Variants in SPTBN1 observed in about 807,000 individuals in gnomAD.
The protein encoded by SPTBN1 is spectrin beta chain, non-erythrocytic 1.
Under a neutral mutation model 266.4 loss-of-function variants are expected in SPTBN1, and 32 were observed. The ratio of observed to expected loss-of-function variants is 0.12; its 90% CI spans 0.09 to 0.16. The LOEUF (loss-of-function observed/expected upper bound fraction) is 0.16, where lower values mean the gene tolerates loss of function less well. Ranked by LOEUF, SPTBN1 falls within the 10% of genes least tolerant of loss-of-function variation. SPTBN1 has a pLI of 1.00. For synonymous variants in SPTBN1, 1,336 were observed against 1,162.2 expected (o/e 1.15, Z -3.04); for missense variants, 2,296 against 3,067.1 (o/e 0.75, Z 5.94).
Position 54,653,911 on chromosome 2 carries a change from G to A in SPTBN1, c.5822+58G>A. On this transcript the variant is annotated intron_variant, in intron 27 of 35. Transcript: ENST00000356805. The surrounding 1 kb of genome is among the most constrained non-coding windows in gnomAD (Gnocchi z 5.1). ...ATTGGCGCTTGGTTAAAACACAGGA[G>A]TCTTCCAGAGAGAAGCAGGAGCCTT... 1 of 1,579,150 alleles carries A rather than the reference G, an allele frequency of 6.3e-7. No homozygotes were observed. Among genetic ancestry groups the A allele is most frequent in the South Asian group, 1.2e-5 (1 of 84,968 alleles).
At chr2:54,510,412 T>A (rs1459902421) in intron 1 of SPTBN1, among the ~76,000 whole-genome samples, 4 of 152,164 alleles carry the variant, frequency 2.6e-5, no homozygotes, top group Admixed American at 1.3e-4. Flanking sequence ...CACAATTTGG[T>A]CCATAACACT....
Position 54,625,950 on chromosome 2 carries a change from C to T in SPTBN1, c.1360C>T (p.Leu454Phe). The change falls in exon 12 of 36, where the codon CTT (leucine) becomes TTT (phenylalanine). Residue 454 changes from leucine (L) to phenylalanine (F), a missense_variant. This residue lies in a region of SPTBN1 where 148 missense variants were observed against 203.8 expected (regional missense o/e 0.73). Transcript: ENST00000356805. ...LVSQDNFGFD[L>F]PAVEAATKKH... ...TCTGTAGGACAACTTTGGGTTTGAC[C>T]TTCCTGCAGTTGAGGCCGCCACAAA... is the stretch of plus-strand genomic sequence containing the variant. 6.2e-7 allele frequency: 1 copy of T among 1,613,638 alleles called. No homozygotes were observed. The highest frequency in any genetic ancestry group is 8.5e-7 in the Non-Finnish European group (1 of 1,179,604).
In SPTBN1 at chr2:54,669,319, A is replaced by C. The variant is rs1202750512; in HGVS notation, c.*750A>C. 1 of 152,272 alleles carries C rather than the reference A, an allele frequency of 6.6e-6. No individual in the cohort carries two copies. Among genetic ancestry groups the C allele is most frequent in the Non-Finnish European group, 1.5e-5 (1 of 68,040 alleles). The allele number at this position is 152,272 out of a possible 1,614,324, so 9.4% of individuals were successfully genotyped here. A position where few individuals can be genotyped will look rare whatever the true frequency, so the allele number is the denominator to read the frequency against. On this transcript the variant is annotated 3_prime_UTR_variant, in exon 36 of 36. Coordinates refer to ENST00000356805, the MANE Select transcript of SPTBN1 (RefSeq NM_003128.3). Reference sequence around the variant, plus strand: ...CAAAGTATAATAAAACTAGATGTATAATAAACCCTTTAAATCATTGGTAAG... The same window carrying C: ...CAAAGTATAATAAAACTAGATGTATCATAAACCCTTTAAATCATTGGTAAG...
chr2:54,646,916 G>T lies in SPTBN1; in HGVS notation c.4867-215G>T, dbSNP rs189019713. Among the ~76,000 whole-genome samples the T allele has an allele frequency of 6.6e-6, 1 of 152,162 alleles. No individual in the cohort carries two copies. The highest frequency in any genetic ancestry group is 6.5e-5 in the Admixed American group (1 of 15,282). The stretch of plus-strand genomic sequence containing the variant: ...CTGAGAGGGGCCCTGCTCATTCTGC[G>T]TTCTCCTTGTGTTTATCTTCTGCAC... On this transcript the variant is annotated intron_variant, in intron 23 of 35. Coordinates refer to ENST00000356805, the MANE Select transcript of SPTBN1 (RefSeq NM_003128.3). The surrounding 1 kb of genome is among the most constrained non-coding windows in gnomAD (Gnocchi z 4.4).
At chr2:54,574,047 G>T (rs200680472) in intron 2 of SPTBN1, among the ~76,000 whole-genome samples, 1 of 152,070 alleles carries the variant, frequency 6.6e-6, no homozygotes, top group Non-Finnish European at 1.5e-5. Context: ...TTTGTGGGGG[G>T]ACACAAATGT....
intron 1 of SPTBN1, among the ~76,000 whole-genome samples, chr2:54,517,488 A>G (rs1290235892): frequency 6.6e-6 from 1 of 152,218 alleles, no homozygotes; most frequent in Admixed American, 6.5e-5. Context: ...TTGATAAATA[A>G]AAGTTAGTAC....
chr2:54,496,395 G>A (rs966335573), intron 1 of SPTBN1, among the ~76,000 whole-genome samples: 7 of 141,476 alleles, frequency 4.9e-5, no homozygotes, highest in Admixed American at 1.5e-4. Flanking sequence ...CCGAGATTGC[G>A]CCACTGCACT....
In SPTBN1 at chr2:54,667,580, T is replaced by G. The variant is rs1210286880; in HGVS notation, c.6834-24T>G. ...TATTTCTCTGTAATTAAGTGGTGAC[T>G]AACTTTCTTCCTTGAAATTACAGAC... On this transcript the variant is annotated intron_variant, in intron 34 of 35. Transcript: ENST00000356805. 6.8e-6 allele frequency: 11 copies of G among 1,611,894 alleles called. No homozygotes were observed. The Admixed American group carries it at 1.8e-4, about 27-fold the overall frequency.
intron 1 of SPTBN1, among the ~76,000 whole-genome samples, chr2:54,473,698 T>G (rs1694042104): frequency 6.6e-6 from 1 of 152,250 alleles, no homozygotes; most frequent in Non-Finnish European, 1.5e-5. Context: ...AGAGTGTGCA[T>G]TCCTTTAACC....
At chr2:54,506,054 G>C (rs866601806) in intron 1 of SPTBN1, among the ~76,000 whole-genome samples, 2 of 152,094 alleles carry the variant, frequency 1.3e-5, no homozygotes, top group Non-Finnish European at 1.5e-5. Context: ...AACCCGGGAG[G>C]TGGAGCTTGC....
chr2:54,644,265 T>C, intron 19 of SPTBN1, 58 bp from the exon 20 acceptor site: 5 of 1,565,198 alleles, frequency 3.2e-6, no homozygotes, highest in African/African-American at 1.4e-5. Context: ...TTTTTCACAG[T>C]GACATTTTTT....
At chr2:54,496,824 G>GC (rs1558779724) in intron 1 of SPTBN1, among the ~76,000 whole-genome samples, 1 of 152,210 alleles carries the variant, frequency 6.6e-6, no homozygotes, top group Admixed American at 6.5e-5. Flanking sequence ...TTTCTGTAGA[G>GC]CAGTTGGTTT....
chr2:54,561,877 A>G (rs1037163788), intron 2 of SPTBN1, among the ~76,000 whole-genome samples: 1 of 66,648 alleles, frequency 1.5e-5, no homozygotes, highest in Non-Finnish European at 3.4e-5. Flanking sequence ...AATAAGTGTG[A>G]TTAAAAAAAA....
chr2:54,594,851 T>TTTTTTTTGG (rs10673399), intron 2 of SPTBN1, among the ~76,000 whole-genome samples: 1 of 144,870 alleles, frequency 6.9e-6, no homozygotes, highest in Admixed American at 6.7e-5. Flanking sequence ...TTTTTTTTTT[T>TTTTTTTTGG]GAGACAGAGT....
intron 2 of SPTBN1, chr2:54,527,375 CTTGAGAAG>C (rs1430212568): frequency 1.3e-5 from 2 of 152,156 alleles, no homozygotes; most frequent in Non-Finnish European, 2.9e-5. Flanking sequence ...AAAGTCATGA[CTTGAGAAG>C]TTAAGTTTAC....
intron 2 of SPTBN1, among the ~76,000 whole-genome samples, chr2:54,550,576 T>G (rs1403697242): frequency 1.3e-5 from 2 of 152,198 alleles, no homozygotes; most frequent in African/African-American, 4.8e-5. Context: ...TAAAATTGCA[T>G]AGATAAGACC....
chr2:54,562,961 C>T (rs1186898192), intron 2 of SPTBN1, among the ~76,000 whole-genome samples: 1 of 152,072 alleles, frequency 6.6e-6, no homozygotes, highest in Non-Finnish European at 1.5e-5. Flanking sequence ...TTGTTGAGTG[C>T]TTACCATGTA....
intron 15 of SPTBN1, 60 bp downstream of exon 15, chr2:54,630,089 C>T (rs1678632130): frequency 6.4e-7 from 1 of 1,573,306 alleles, no homozygotes; most frequent in South Asian, 1.2e-5. Flanking sequence ...AGGGTGAGGT[C>T]ACTCATCGAG....
At chr2:54,547,133 C>T (rs1398731012) in intron 2 of SPTBN1, among the ~76,000 whole-genome samples, 2 of 152,130 alleles carry the variant, frequency 1.3e-5, no homozygotes, top group Non-Finnish European at 2.9e-5. Context: ...CGTTCCCCTT[C>T]CCCCAGCTCC....
Sources: allele counts gnomAD v4.1 joint callset (sites outside exome capture counted in the v4.1 genomes callset), GRCh38; gene constraint gnomAD v4.1.1; regional missense constraint gnomAD v4.1.1; non-coding constraint Gnocchi (gnomAD v3.1); transcripts MANE v1.5; gene names NCBI Gene and HGNC (gene_info 2026-07-23, HGNC 2026-07-21).